Variants in NKIRAS1 observed in about 807,000 individuals in gnomAD.
The protein encoded by NKIRAS1 is NF-kappa-B inhibitor-interacting Ras-like protein 1.
In NKIRAS1, 16 loss-of-function variants were observed where a neutral mutation model predicts 19.8. The observed-to-expected ratio is 0.81, with a 90% CI of 0.55 to 1.23. NKIRAS1 has a LOEUF of 1.23. Among genes scored for constraint, NKIRAS1 ranks in the 50% most tolerant of loss-of-function variants. The pLI is 0.00. For missense variants in NKIRAS1, 184 were observed against 220.0 expected (o/e 0.84, Z 1.04); for synonymous variants, 88 against 79.0 (o/e 1.11, Z -0.61).
intron 3 of NKIRAS1, among the ~76,000 whole-genome samples, chr3:23,901,941 C>T (rs1033642687): frequency 1.3e-5 from 2 of 152,092 alleles, no homozygotes; most frequent in East Asian, 1.9e-4. Flanking sequence ...GGTGTGGTGG[C>T]GGGCACCTGT....
Position 23,892,814 on chromosome 3 carries a change from A to G in NKIRAS1, c.*281T>C. The G allele has an allele frequency of 4.4e-6, 1 of 225,164 alleles. No homozygotes were observed. The highest frequency in any genetic ancestry group is 8.6e-6 in the Non-Finnish European group (1 of 116,064). The allele number at this position is 225,164 out of a possible 1,614,324, so 13.9% of individuals were successfully genotyped here. ...GTGCATTTGCATAACTATCCAAACTATTTTACTGTTTTCACAAGTACAACA... is the reference window on the plus strand; with the variant it reads ...GTGCATTTGCATAACTATCCAAACTGTTTTACTGTTTTCACAAGTACAACA... On this transcript the variant is annotated 3_prime_UTR_variant, in exon 5 of 5. Transcript: ENST00000425478.
chr3:23,943,658 T>C (rs1378061079), intron 1 of NKIRAS1, among the ~76,000 whole-genome samples: 1 of 152,256 alleles, frequency 6.6e-6, no homozygotes, highest in Non-Finnish European at 1.5e-5. Context: ...ATTTTACCTG[T>C]GTAGAAGTAG....
intron 4 of NKIRAS1, among the ~76,000 whole-genome samples, chr3:23,894,615 A>ACTGCATCCTCCACCT (rs60541277): frequency 0.26 from 39,358 of 151,326 alleles, 5,654 homozygotes; most frequent in African/African-American, 0.4. Context: ...ACTAACCCCC[A>ACTGCATCCTCCACCT]CTGCATCCTC....
At chr3:23,928,952 G>A (rs1210332430) in intron 1 of NKIRAS1, among the ~76,000 whole-genome samples, 4 of 144,256 alleles carry the variant, frequency 2.8e-5, no homozygotes, top group Non-Finnish European at 3.0e-5. Flanking sequence ...AACCGAGATC[G>A]TGCCACTGCG....
chr3:23,920,850 G>A, upstream of NKIRAS1: 1 of 881,018 alleles, frequency 1.1e-6, no homozygotes, highest in Non-Finnish European at 1.4e-6. Flanking sequence ...AAAACAAATG[G>A]ACCTTCTGTT....
chr3:23,895,863 C>T (rs565088033), intron 4 of NKIRAS1, among the ~76,000 whole-genome samples: 2 of 152,182 alleles, frequency 1.3e-5, no homozygotes, highest in South Asian at 2.1e-4. Context: ...CAGCCAGGCA[C>T]GGTGACTCAC....
chr3:23,900,915 A>G lies in NKIRAS1; in HGVS notation c.229T>C (p.Ser77Pro). The G allele has an allele frequency of 6.2e-7, 1 of 1,614,212 alleles. No homozygotes were observed. Among genetic ancestry groups the G allele is most frequent in the East Asian group, 2.2e-5 (1 of 44,876 alleles). ...ACAAGAACGAAGCCATCAGCAAATG[A>G]AAAATAATGCTTTGGCAGCTCCACG... ...EGVELPKHYF[S>P]FADGFVLVYS... The change falls in exon 4 of 5, where the codon TCA (serine) becomes CCA (proline). Residue 77 changes from serine (S) to proline (P), a missense_variant. By Grantham distance (74) the Ser-to-Pro change is moderately conservative. Transcript: ENST00000425478.
chr3:23,943,809 G>A (rs2125273271), intron 1 of NKIRAS1, among the ~76,000 whole-genome samples: 1 of 152,348 alleles, frequency 6.6e-6, no homozygotes, highest in Middle Eastern at 3.4e-3. Flanking sequence ...GTGTTTAGAA[G>A]GGTTTGGGTA....
At chr3:23,920,376 GCA>G (rs747823058), upstream of NKIRAS1, 15 of 985,140 alleles carry the variant, frequency 1.5e-5, no homozygotes, top group Non-Finnish European at 1.7e-5. Context: ...AGTCACAAGC[GCA>G]TGGTTTCCAA....
At chr3:23,932,069 T>C (rs921455510) in intron 1 of NKIRAS1, among the ~76,000 whole-genome samples, 4 of 152,080 alleles carry the variant, frequency 2.6e-5, no homozygotes, top group African/African-American at 7.2e-5. Context: ...TGGCTTGAAG[T>C]TTTTGATTCT....
At chr3:23,913,040 C>CAAAAAAAA (rs1169515621) in intron 1 of NKIRAS1, among the ~76,000 whole-genome samples, 2 of 47,698 alleles carry the variant, frequency 4.2e-5, no homozygotes, top group Admixed American at 2.2e-4. Flanking sequence ...GACTCCGTCT[C>CAAAAAAAA]AAAAAAAAAA....
Position 23,893,239 on chromosome 3 carries a change from TCTTA to T in NKIRAS1, c.431_434del (p.Val144AspfsTer5). The T allele has an allele frequency of 6.2e-7, 1 of 1,614,206 alleles. No homozygotes were observed. Among genetic ancestry groups the T allele is most frequent in the Non-Finnish European group, 8.5e-7 (1 of 1,180,034 alleles). ...GATCTGTAACAGTCACCTCCCACAGTCTTACTTTCTCACTTTTTGCCCACTGCTG... is the reference window on the plus strand; with the variant it reads ...GATCTGTAACAGTCACCTCCCACAGTCTTTCTCACTTTTTGCCCACTGCTG... On this transcript the variant is annotated frameshift_variant, in exon 5 of 5. Transcript: ENST00000425478. LOFTEE classifies it high-confidence loss of function.
chr3:23,931,879 T>G (rs1705324134), intron 1 of NKIRAS1, among the ~76,000 whole-genome samples: 1 of 152,194 alleles, frequency 6.6e-6, no homozygotes, highest in African/African-American at 2.4e-5. Flanking sequence ...GCTGTCCCCT[T>G]TCTATGGGCA....
At chr3:23,936,355 G>T (rs934353639) in intron 1 of NKIRAS1, among the ~76,000 whole-genome samples, 1 of 152,146 alleles carries the variant, frequency 6.6e-6, no homozygotes, top group Non-Finnish European at 1.5e-5. Flanking sequence ...TATATACTTA[G>T]TCACATTGGC....
Position 23,891,972 on chromosome 3 carries a change from A to AATT in NKIRAS1, c.*1120_*1122dup, listed in dbSNP as rs1242404496. 6.6e-6 allele frequency: 1 copy of AATT among 152,098 alleles called. No homozygotes were observed. The highest frequency in any genetic ancestry group is 1.5e-5 in the Non-Finnish European group (1 of 67,970). 9.4% of individuals were successfully genotyped at this position (152,098 alleles called of 1,614,324 possible). On this transcript the variant is annotated 3_prime_UTR_variant, in exon 5 of 5. Transcript: ENST00000425478. Reference sequence around the variant, plus strand: ...GAATTTATGATGAGAAATTTTGAAGAATTATACTGTAGCAGCAATAGCTGA... The same window carrying AATT: ...GAATTTATGATGAGAAATTTTGAAGAATTATTATACTGTAGCAGCAATAGCTGA...
chr3:23,919,782 AAGG>A, upstream of NKIRAS1: 1 of 1,124,350 alleles, frequency 8.9e-7, no homozygotes, highest in Middle Eastern at 3.8e-4. Context: ...AATTCTTTAA[AAGG>A]AGAGAACTGA....
At chr3:23,938,753 A>G (rs1705441378) in intron 1 of NKIRAS1, among the ~76,000 whole-genome samples, 1 of 152,198 alleles carries the variant, frequency 6.6e-6, no homozygotes. Context: ...AATTCATGCC[A>G]CATGTCTTCT....
chr3:23,946,114 C>G (rs1575141464), intron 1 of NKIRAS1: 1 of 984,742 alleles, frequency 1.0e-6, no homozygotes, highest in Non-Finnish European at 1.2e-6. Flanking sequence ...GTGACGTCGC[C>G]GCGATTCCCT....
chr3:23,918,311 A>AT (rs1228908689), upstream of NKIRAS1: 40 of 1,141,734 alleles, frequency 3.5e-5, no homozygotes, highest in Non-Finnish European at 4.5e-5. Flanking sequence ...GATGTGTTTT[A>AT]TTTTTTTCTA....
Sources: gnomAD v4.1 joint callset for allele counts (sites outside exome capture counted in the v4.1 genomes callset) on GRCh38, gnomAD v4.1.1 for gene constraint, MANE v1.5 for transcripts, NCBI Gene and HGNC (gene_info 2026-07-23, HGNC 2026-07-21) for gene names.